The following FRMD4A variants were observed in gnomAD, a reference collection of about 807,000 sequenced individuals.
FRMD4A encodes FERM domain containing 4A.
FRMD4A carries 29 observed loss-of-function variants against 129.1 expected under a neutral mutation model. The observed-to-expected ratio is 0.22, with a 90% CI of 0.17 to 0.31. FRMD4A has a LOEUF of 0.31. FRMD4A is among the 10% of genes least tolerant of loss of function. The probability of loss-of-function intolerance (pLI) is 1.00; values close to 1 mark genes in which losing one functional copy is unlikely to be tolerated. For synonymous variants in FRMD4A, 634 were observed against 571.6 expected (o/e 1.11, Z -1.56); for missense variants, 1,272 against 1,375.8 (o/e 0.92, Z 1.19).
intron 2 of FRMD4A, among the ~76,000 whole-genome samples, chr10:14,277,700 T>C (rs1845388238): frequency 1.3e-5 from 2 of 152,236 alleles, no homozygotes; most frequent in African/African-American, 4.8e-5. Context: ...CCACAGTTAC[T>C]TTCCCCTCCC....
chr10:13,969,048 G>A (rs1565134843), intron 2 of FRMD4A, among the ~76,000 whole-genome samples: 1 of 152,208 alleles, frequency 6.6e-6, no homozygotes, highest in Non-Finnish European at 1.5e-5. Flanking sequence ...GCTGGGGAAG[G>A]TAAATGCTGA....
At chr10:13,835,037 T>C (rs1421145069) in intron 3 of FRMD4A, among the ~76,000 whole-genome samples, 1 of 151,990 alleles carries the variant, frequency 6.6e-6, no homozygotes, top group African/African-American at 2.4e-5. Flanking sequence ...TGCCAGGGGG[T>C]GGCCGGAGAT....
At chr10:13,855,258 C>T (rs1044498100) in intron 3 of FRMD4A, among the ~76,000 whole-genome samples, 1 of 152,142 alleles carries the variant, frequency 6.6e-6, no homozygotes, top group Non-Finnish European at 1.5e-5. Flanking sequence ...CTTACTGCAT[C>T]CTCCTGGCAA....
intron 2 of FRMD4A, among the ~76,000 whole-genome samples, chr10:14,283,767 G>A (rs1845594752): frequency 6.6e-6 from 1 of 152,192 alleles, no homozygotes; most frequent in Admixed American, 6.5e-5. Context: ...CTGAGCTCTG[G>A]TTTTAAAATA....
Position 14,207,315 on chromosome 10 carries a change from T to C in FRMD4A, c.45+122743A>G, listed in dbSNP as rs1842811426. The stretch of plus-strand genomic sequence containing the variant: ...TTTTCCACGGATGGGGGTGGGGTGA[T>C]GGTTTCGGGATGATTCAAGCGCATT... On this transcript the variant is annotated intron_variant, in intron 2 of 24. Coordinates refer to ENST00000357447, the MANE Select transcript of FRMD4A (RefSeq NM_018027.5). Among the ~76,000 whole-genome samples, 3 of 152,194 alleles carry C rather than the reference T, an allele frequency of 2.0e-5. No individual in the cohort carries two copies. The South Asian group carries it at 6.2e-4, about 32-fold the overall frequency.
intron 2 of FRMD4A, chr10:14,074,607 G>T (rs1381453568): frequency 6.6e-6 from 1 of 152,196 alleles, no homozygotes; most frequent in Non-Finnish European, 1.5e-5. Context: ...ATTTCATCTG[G>T]CAGGGCACTG....
At chr10:13,876,498 TG>T (rs1486210788) in intron 2 of FRMD4A, among the ~76,000 whole-genome samples, 1 of 152,222 alleles carries the variant, frequency 6.6e-6, no homozygotes, top group Non-Finnish European at 1.5e-5. Flanking sequence ...TACCGGCATC[TG>T]TTGCTGGTTT....
chr10:13,740,615 C>G (rs752459027), intron 9 of FRMD4A, 38 bp from the exon 10 acceptor site: 1 of 1,078,910 alleles, frequency 9.3e-7, no homozygotes, highest in East Asian at 2.4e-5. Flanking sequence ...GTTGGAGTCT[C>G]TAGGTCAACA....
intron 2 of FRMD4A, among the ~76,000 whole-genome samples, chr10:14,011,543 C>T (rs1177140749): frequency 6.6e-6 from 1 of 152,158 alleles, no homozygotes; most frequent in East Asian, 1.9e-4. Flanking sequence ...TTCCAATCTC[C>T]TGGCAGCATC....
rs1389475239 is a variant in FRMD4A, at chr10:14,264,848, C to T, written c.45+65210G>A. ...CCAGGCTGGAGTGCAGTGGCAAGAT[C>T]GCGGCTCACTGCAATCTCCGCCTCC... On this transcript the variant is annotated intron_variant, in intron 2 of 24. Coordinates refer to ENST00000357447, the MANE Select transcript of FRMD4A (RefSeq NM_018027.5). Among the ~76,000 whole-genome samples the T allele has an allele frequency of 3.3e-5, 5 of 152,110 alleles. No individual in the cohort carries two copies. In the East Asian group the frequency reaches 5.8e-4, roughly 18 times the overall value.
chr10:13,856,997 C>T (rs966238397), intron 3 of FRMD4A, among the ~76,000 whole-genome samples: 5 of 152,026 alleles, frequency 3.3e-5, no homozygotes, highest in African/African-American at 7.3e-5. Context: ...TCTCAGTTAA[C>T]GATTCTGCTA....
intron 2 of FRMD4A, among the ~76,000 whole-genome samples, chr10:14,280,464 C>T (rs773249638): frequency 2.6e-5 from 4 of 152,092 alleles, no homozygotes; most frequent in Non-Finnish European, 5.9e-5. Context: ...ATCTCTTAGA[C>T]CTACCAGGGG....
chr10:13,758,463 A>T (rs1339970278), intron 8 of FRMD4A, among the ~76,000 whole-genome samples: 1 of 152,264 alleles, frequency 6.6e-6, no homozygotes. Flanking sequence ...AACTGAGGTT[A>T]TATAGTCATG....
intron 2 of FRMD4A, among the ~76,000 whole-genome samples, chr10:14,179,771 C>T (rs889382911): frequency 9.9e-5 from 15 of 152,206 alleles, no homozygotes; most frequent in Admixed American, 5.2e-4. Flanking sequence ...CGGTGGCTCA[C>T]GCCTGTAATC....
intron 2 of FRMD4A, among the ~76,000 whole-genome samples, chr10:13,899,815 A>C (rs377036843): frequency 6.6e-6 from 1 of 152,180 alleles, no homozygotes; most frequent in East Asian, 1.9e-4. Flanking sequence ...CACAGGCAGC[A>C]TGGCCACAGA....
intron 2 of FRMD4A, among the ~76,000 whole-genome samples, chr10:14,113,775 C>A (rs938076653): frequency 6.6e-6 from 1 of 152,040 alleles, no homozygotes; most frequent in African/African-American, 2.4e-5. Context: ...TGAGTGTGCG[C>A]GCGCGTGTGT....
At chr10:13,833,441 C>T (rs1385944837) in intron 3 of FRMD4A, among the ~76,000 whole-genome samples, 1 of 152,114 alleles carries the variant, frequency 6.6e-6, no homozygotes, top group Admixed American at 6.5e-5. Flanking sequence ...GGAATTATTA[C>T]AATTCAAGGT....
intron 2 of FRMD4A, among the ~76,000 whole-genome samples, chr10:13,942,236 C>G (rs1437108817): frequency 6.6e-6 from 1 of 152,250 alleles, no homozygotes; most frequent in African/African-American, 2.4e-5. Flanking sequence ...ATTAAAGGCA[C>G]TAATGAGCGC....
chr10:14,113,439 T>G (rs1313036827), intron 2 of FRMD4A, among the ~76,000 whole-genome samples: 1 of 152,194 alleles, frequency 6.6e-6, no homozygotes, highest in African/African-American at 2.4e-5. Context: ...CTAGCTTACT[T>G]TATTGTGAGG....
Sources: gnomAD v4.1 joint callset for allele counts (sites outside exome capture counted in the v4.1 genomes callset) on GRCh38, gnomAD v4.1.1 for gene constraint, MANE v1.5 for transcripts, NCBI Gene and HGNC (gene_info 2026-07-23, HGNC 2026-07-21) for gene names.